Variants in GPR39 observed in about 807,000 individuals in gnomAD.
GPR39 encodes G protein-coupled receptor 39.
A neutral mutation model predicts 18.4 loss-of-function variants in GPR39; 23 were observed. The observed-to-expected ratio is 1.25, with a 90% CI of 0.90 to 1.77. The LOEUF (loss-of-function observed/expected upper bound fraction) is 1.77. Among genes scored for constraint, GPR39 ranks in the 40% most tolerant of loss-of-function variants. The pLI, the probability that GPR39 is intolerant of heterozygous loss-of-function variation, is 0.00. For synonymous variants in GPR39, 280 were observed against 257.9 expected (o/e 1.09, Z -0.82); for missense variants, 647 against 602.4 (o/e 1.07, Z -0.78).
chr2:132,497,949 GTCCC>G (rs1482694836), intron 1 of GPR39, among the ~76,000 whole-genome samples: 1 of 152,102 alleles, frequency 6.6e-6, no homozygotes, highest in African/African-American at 2.4e-5. Context: ...TGGATTCTGG[GTCCC>G]TGTAAAAGGC....
At chr2:132,499,401 C>G (rs543059856) in intron 1 of GPR39, among the ~76,000 whole-genome samples, 1 of 152,182 alleles carries the variant, frequency 6.6e-6, no homozygotes, top group African/African-American at 2.4e-5. Context: ...GTTCTGTTCC[C>G]TTGGTCTAGG....
intron 1 of GPR39, among the ~76,000 whole-genome samples, chr2:132,632,561 G>A (rs191320735): frequency 6.6e-6 from 1 of 152,260 alleles, no homozygotes; most frequent in African/African-American, 2.4e-5. Context: ...GTGTGTTTCG[G>A]TGCATGAACT....
intron 1 of GPR39, among the ~76,000 whole-genome samples, chr2:132,601,742 C>G (rs1430990336): frequency 2.0e-5 from 3 of 151,872 alleles, no homozygotes; most frequent in African/African-American, 4.8e-5. Context: ...TAAAAACATG[C>G]AAAAATCAGT....
At chr2:132,630,742 T>C (rs1270749458) in intron 1 of GPR39, among the ~76,000 whole-genome samples, 2 of 151,772 alleles carry the variant, frequency 1.3e-5, no homozygotes, top group East Asian at 3.9e-4. Flanking sequence ...ATTTGGGAGG[T>C]ATAACTGGCA....
chr2:132,591,449 AAAGCTGCACTGTCAGCTTCCCTACTTTTG>A (rs1680842166), intron 1 of GPR39, among the ~76,000 whole-genome samples: 1 of 152,084 alleles, frequency 6.6e-6, no homozygotes, highest in Non-Finnish European at 1.5e-5. Flanking sequence ...CCACGGACTG[AAAGCTGCACTGTCAGCTTCCCTACTTTTG>A]AGGTTTGGGG....
rs770359662 is a variant in GPR39 at position 132,645,569 on chromosome 2, C to A, written c.1325C>A (p.Ser442Tyr). 6.2e-7 allele frequency: 1 copy of A among 1,614,020 alleles called. No homozygotes were observed. Among genetic ancestry groups the A allele is most frequent in the South Asian group, 1.1e-5 (1 of 91,064 alleles). ...EPNSGAKPAN[S>Y]AAENGFQEHE... ...AACTCAGGCGCGAAACCAGCCAATT[C>A]TGCTGCAGAGAATGGTTTTCAGGAG... Residue 442 changes from serine to tyrosine, a missense_variant, in exon 2 of 2, where the codon TCT (serine) becomes TAT (tyrosine). Coordinates refer to ENST00000329321, the MANE Select transcript of GPR39 (RefSeq NM_001508.3).
At chr2:132,620,582 A>G (rs377415074) in intron 1 of GPR39, among the ~76,000 whole-genome samples, 2 of 152,182 alleles carry the variant, frequency 1.3e-5, no homozygotes, top group East Asian at 1.9e-4. Context: ...TAGGCAGGGA[A>G]GGCCTGGCAT....
At chr2:132,454,019 A>G (rs1423928165) in intron 1 of GPR39, among the ~76,000 whole-genome samples, 1 of 152,234 alleles carries the variant, frequency 6.6e-6, no homozygotes, top group Non-Finnish European at 1.5e-5. Flanking sequence ...TCTGTGAAGA[A>G]AGTAATAGGT....
intron 1 of GPR39, among the ~76,000 whole-genome samples, chr2:132,463,386 T>C (rs1317209970): frequency 6.6e-6 from 1 of 151,828 alleles, no homozygotes; most frequent in Non-Finnish European, 1.5e-5. Context: ...TGGTGAAAGA[T>C]ACAAGATTCA....
intron 1 of GPR39, among the ~76,000 whole-genome samples, chr2:132,614,586 T>C (rs1681298956): frequency 6.6e-6 from 1 of 150,716 alleles, no homozygotes; most frequent in East Asian, 2.0e-4. Context: ...AGTCTCGCCC[T>C]GTTGCCCAGG....
At chr2:132,418,013 G>GAGTC in intron 1 of GPR39, 115 bp downstream of exon 1, 1 of 1,291,096 alleles carries the variant, frequency 7.7e-7, no homozygotes, top group East Asian at 2.3e-5. Flanking sequence ...GCACACTTAA[G>GAGTC]TTTACTAAGG....
At chr2:132,434,227 C>A (rs777545529) in intron 1 of GPR39, among the ~76,000 whole-genome samples, 8 of 152,130 alleles carry the variant, frequency 5.3e-5, no homozygotes, top group Non-Finnish European at 1.2e-4. Context: ...AAGGGATAGG[C>A]TAACTCTACT....
At chr2:132,531,749 A>G (rs1679637966) in intron 1 of GPR39, among the ~76,000 whole-genome samples, 2 of 152,258 alleles carry the variant, frequency 1.3e-5, no homozygotes, top group South Asian at 4.1e-4. Flanking sequence ...CTGAATGACT[A>G]CTGGGGACAT....
intron 1 of GPR39, among the ~76,000 whole-genome samples, chr2:132,493,521 T>TACACC (rs1681565142): frequency 7.0e-6 from 1 of 142,042 alleles, no homozygotes; most frequent in Non-Finnish European, 1.5e-5. Context: ...TATATATATA[T>TACACC]ATATATACAC....
chr2:132,578,084 T>A (rs1197836350), intron 1 of GPR39, among the ~76,000 whole-genome samples: 3 of 151,418 alleles, frequency 2.0e-5, no homozygotes, highest in Admixed American at 6.6e-5. Context: ...TTTTTTTTTT[T>A]ATAAATGGGT....
At chr2:132,588,793 A>T (rs777457969) in intron 1 of GPR39, among the ~76,000 whole-genome samples, 8 of 152,200 alleles carry the variant, frequency 5.3e-5, no homozygotes, top group Non-Finnish European at 1.2e-4. Flanking sequence ...TCCCAAGTCC[A>T]CTGTGATGAG....
At position 132,447,106 on chromosome 2, in the gene GPR39, C is replaced by T. The variant is rs80294028; in HGVS notation, c.856+29208C>T. Among the ~76,000 whole-genome samples, 114 of 152,232 alleles carry T rather than the reference C, an allele frequency of 7.5e-4. 1 individual carries two copies. The East Asian group carries it at 0.018, about 24-fold the overall frequency. ...TTGCTCATTAGCAGAATCTGAGTAG[C>T]GGGCCTGTTGCAGTAACCGCCAGCC... On this transcript the variant is annotated intron_variant, in intron 1 of 1. Transcript: ENST00000329321.
chr2:132,483,850 T>A (rs1251401135), intron 1 of GPR39, among the ~76,000 whole-genome samples: 1 of 152,190 alleles, frequency 6.6e-6, no homozygotes, highest in East Asian at 1.9e-4. Context: ...ACAATATTCC[T>A]GGGTACTTTA....
chr2:132,472,563 C>G (rs1281863551), intron 1 of GPR39, among the ~76,000 whole-genome samples: 1 of 152,166 alleles, frequency 6.6e-6, no homozygotes, highest in Non-Finnish European at 1.5e-5. Flanking sequence ...AGGCCCAGGT[C>G]CATTCTCCTC....
Sources: allele counts gnomAD v4.1 joint callset (sites outside exome capture counted in the v4.1 genomes callset), GRCh38; gene constraint gnomAD v4.1.1; transcripts MANE v1.5; gene names NCBI Gene and HGNC (gene_info 2026-07-23, HGNC 2026-07-21).